Variants in CCDC144A observed in about 807,000 individuals in gnomAD.
The protein encoded by CCDC144A is coiled-coil domain-containing protein 144A.
CCDC144A carries 41 observed loss-of-function variants against 143.8 expected under a neutral mutation model. That is an observed-to-expected ratio of 0.29 (90% CI 0.22 to 0.37). The LOEUF (loss-of-function observed/expected upper bound fraction) is 0.37, where lower values mean the gene tolerates loss of function less well. Ranked by LOEUF, CCDC144A falls within the 10% of genes least tolerant of loss-of-function variation. The pLI is 1.00. For missense variants in CCDC144A, 637 were observed against 1,488.8 expected (o/e 0.43, Z 9.41); for synonymous variants, 242 against 517.9 (o/e 0.47, Z 7.23).
the CCDC144A span, chr17:16,683,537 C>G: frequency 6.4e-7 from 1 of 1,565,870 alleles, no homozygotes; most frequent in Non-Finnish European, 8.8e-7. Flanking sequence ...GGAGGGGCGG[C>G]AAGTCCGCGG....
chr17:16,677,967 G>T, the CCDC144A span, among the ~76,000 whole-genome samples: 6 of 151,954 alleles, frequency 3.9e-5, no homozygotes, highest in East Asian at 1.2e-3. Context: ...TAAAACAAGG[G>T]ATGATTGGTT....
At chr17:16,728,628 G>T (rs533150896) in intron 9 of CCDC144A, among the ~76,000 whole-genome samples, 1 of 151,930 alleles carries the variant, frequency 6.6e-6, no homozygotes, top group Non-Finnish European at 1.5e-5. Flanking sequence ...AGTGGTTTTC[G>T]GTTAAATGGA....
At chr17:16,770,104 G>C (rs1342520018) in intron 15 of CCDC144A, among the ~76,000 whole-genome samples, 1 of 151,690 alleles carries the variant, frequency 6.6e-6, no homozygotes. Context: ...GAGATTACAG[G>C]CGTGAGCCAC....
At chr17:16,744,494 A>G (rs1914402300) in intron 12 of CCDC144A, among the ~76,000 whole-genome samples, 1 of 152,050 alleles carries the variant, frequency 6.6e-6, no homozygotes, top group Non-Finnish European at 1.5e-5. Flanking sequence ...TTTGCTCTCC[A>G]CTTTTATGTC....
chr17:16,672,747 T>C, the CCDC144A span, among the ~76,000 whole-genome samples: 1 of 152,174 alleles, frequency 6.6e-6, no homozygotes, highest in African/African-American at 2.4e-5. Context: ...TGACTTCATA[T>C]TTTTCTAGTC....
chr17:16,709,399 T>C lies in CCDC144A; in HGVS notation c.1342T>C (p.Leu448=), dbSNP rs748280431. 4.3e-6 allele frequency: 7 copies of C among 1,611,470 alleles called. No individual in the cohort carries two copies. In the East Asian group the frequency reaches 8.9e-5, roughly 21 times the overall value. The change falls in exon 5 of 17, where the codon TTG becomes CTG. Residue 448 remains leucine (L), a synonymous_variant. Coordinates refer to ENST00000399273, the MANE Select transcript of CCDC144A (RefSeq NM_001382000.1). Reference sequence around the variant, plus strand: ...AATGAAAGAAGACCAAGAGTTTGATTTGCAAATGACAAAAAATATGAACCA... The same window carrying C: ...AATGAAAGAAGACCAAGAGTTTGATCTGCAAATGACAAAAAATATGAACCA... The part of the protein sequence containing the change: ...VEMKEDQEFD[L]QMTKNMNQNS...
At chr17:16,729,044 T>C (rs1913572997) in intron 9 of CCDC144A, among the ~76,000 whole-genome samples, 1 of 152,212 alleles carries the variant, frequency 6.6e-6, no homozygotes, top group South Asian at 2.1e-4. Context: ...TGTGCTGCAA[T>C]AGACATACGT....
intron 2 of CCDC144A, among the ~76,000 whole-genome samples, chr17:16,696,379 C>T (rs1168463570): frequency 6.6e-6 from 1 of 150,416 alleles, no homozygotes; most frequent in Non-Finnish European, 1.5e-5. Context: ...TGCCTATAAT[C>T]CCAGCATTTT....
At chr17:16,732,897 A>G (rs1053692636) in intron 11 of CCDC144A, among the ~76,000 whole-genome samples, 3 of 151,232 alleles carry the variant, frequency 2.0e-5, no homozygotes, top group African/African-American at 7.3e-5. Flanking sequence ...AGTGACATTC[A>G]CAGTGGCCTT....
chr17:16,725,002 A>ATTTTTTTTTTTTTTT (rs1167527388), intron 8 of CCDC144A, among the ~76,000 whole-genome samples: 2 of 37,284 alleles, frequency 5.4e-5, no homozygotes, highest in Non-Finnish European at 1.1e-4. Context: ...ATAGCTGGTA[A>ATTTTTTTTTTTTTTT]TTTTTTTTTT....
At chr17:16,742,597 A>T (rs188982517) in intron 12 of CCDC144A, among the ~76,000 whole-genome samples, 19 of 152,304 alleles carry the variant, frequency 1.2e-4, no homozygotes, top group Admixed American at 2.0e-4. Flanking sequence ...TTGTTGGATC[A>T]TATGACACTT....
At chr17:16,714,607 C>T (rs974178262) in intron 6 of CCDC144A, among the ~76,000 whole-genome samples, 1 of 151,978 alleles carries the variant, frequency 6.6e-6, no homozygotes, top group Non-Finnish European at 1.5e-5. Flanking sequence ...CCACCATCTG[C>T]TCTCTAGATG....
At chr17:16,669,209 T>A in the CCDC144A span, among the ~76,000 whole-genome samples, 1 of 152,250 alleles carries the variant, frequency 6.6e-6, no homozygotes, top group Admixed American at 6.5e-5. Flanking sequence ...GAGAAAGATT[T>A]TGCATAATAT....
At chr17:16,705,446 G>C (rs1482479933) in intron 3 of CCDC144A, 47 bp downstream of exon 3, 2 of 610,584 alleles carry the variant, frequency 3.3e-6, no homozygotes, top group Non-Finnish European at 5.9e-6. Flanking sequence ...CCTCTGCTTG[G>C]CTGCATAGAG....
At chr17:16,717,253 T>A (rs1482696527) in intron 6 of CCDC144A, among the ~76,000 whole-genome samples, 1 of 151,832 alleles carries the variant, frequency 6.6e-6, no homozygotes, top group Non-Finnish European at 1.5e-5. Flanking sequence ...TAGCTGGGAC[T>A]ACAGGTGCGC....
chr17:16,755,541 C>T lies in CCDC144A; in HGVS notation c.3373-5884C>T, dbSNP rs199899944. The stretch of plus-strand genomic sequence containing the variant: ...TCCTTCAGGTTTTGCTTGTCTGAGA[C>T]GTTATTTCTTTTTCAGTTTTATTTA... On this transcript the variant is annotated intron_variant, in intron 12 of 16. Coordinates refer to ENST00000399273, the MANE Select transcript of CCDC144A (RefSeq NM_001382000.1). Among the ~76,000 whole-genome samples the T allele has an allele frequency of 8.1e-4, 124 of 152,220 alleles. 2 individuals are homozygous for T. The East Asian group carries it at 0.021, about 26-fold the overall frequency.
chr17:16,699,767 T>C (rs1192093958), intron 2 of CCDC144A, among the ~76,000 whole-genome samples: 1 of 151,334 alleles, frequency 6.6e-6, no homozygotes, highest in Non-Finnish European at 1.5e-5. Flanking sequence ...TACTGTAGAA[T>C]ATATTGTCAG....
At chr17:16,702,922 A>G (rs1369656504) in intron 2 of CCDC144A, among the ~76,000 whole-genome samples, 1 of 152,060 alleles carries the variant, frequency 6.6e-6, no homozygotes, top group Non-Finnish European at 1.5e-5. Context: ...TTGTGCTTTA[A>G]GTTTAATTAT....
In CCDC144A at chr17:16,708,937, G is replaced by A. The variant is rs376339930; in HGVS notation, c.880G>A (p.Val294Ile). 61 of 1,611,398 alleles carry A rather than the reference G, an allele frequency of 3.8e-5. 1 individual carries two copies. The highest frequency in any genetic ancestry group is 1.7e-4 in the Admixed American group (10 of 59,966). ...KLEWKNQLKL[V>I]INELKQRFGE... ...AGAGTGGAAAAACCAATTAAAACTCGTCATAAATGAGTTAAAGCAGAGGTT... is the reference window on the plus strand; with the variant it reads ...AGAGTGGAAAAACCAATTAAAACTCATCATAAATGAGTTAAAGCAGAGGTT... The change falls in exon 5 of 17, where the codon GTC (valine) becomes ATC (isoleucine). Residue 294 changes from valine (V) to isoleucine (I), a missense_variant. Val to Ile is a conservative substitution (Grantham distance 29). Transcript: ENST00000399273.
Sources: gnomAD v4.1 joint callset for allele counts (sites outside exome capture counted in the v4.1 genomes callset) on GRCh38, gnomAD v4.1.1 for gene constraint, MANE v1.5 for transcripts, NCBI Gene and HGNC (gene_info 2026-07-23, HGNC 2026-07-21) for gene names.